COX4I2: variants seen among roughly 807,000 people sequenced by gnomAD.
COX4I2 encodes cytochrome c oxidase subunit 4I2.
A neutral mutation model predicts 20.8 loss-of-function variants in COX4I2; 15 were observed. The observed-to-expected ratio is 0.72, with a 90% CI of 0.48 to 1.11. The LOEUF is 1.11. Among genes scored for constraint, COX4I2 ranks in the 50% most tolerant of loss-of-function variants. COX4I2 has a pLI of 0.00. For synonymous variants in COX4I2, 80 were observed against 78.1 expected (o/e 1.02, Z -0.13); for missense variants, 224 against 223.0 (o/e 1.00, Z -0.03).
intron 3 of COX4I2, among the ~76,000 whole-genome samples, chr20:31,642,985 C>G (rs1042178197): frequency 6.6e-6 from 1 of 152,212 alleles, no homozygotes; most frequent in Non-Finnish European, 1.5e-5. Flanking sequence ...GCCAGCCTCT[C>G]ATTTGCTAAA....
rs2060487451 is a variant in COX4I2, at chr20:31,644,850, T to C, written c.462T>C (p.Pro154=). 7 of 1,614,088 alleles carry C rather than the reference T, an allele frequency of 4.3e-6. No individual in the cohort carries two copies. Among genetic ancestry groups the C allele is most frequent in the Non-Finnish European group, 5.9e-6 (7 of 1,179,980 alleles). The change falls in exon 5 of 5, where the codon CCT becomes CCC. Residue 154 remains proline, a synonymous_variant. Transcript: ENST00000376075. Reference sequence around the variant, plus strand: ...GCATGCTGGACATGAAGGTGAATCCTGTGCAGGGCCTGGCCTCCCGCTGGG... The same window carrying C: ...GCATGCTGGACATGAAGGTGAATCCCGTGCAGGGCCTGGCCTCCCGCTGGG... The part of the protein sequence containing the change: ...LQRMLDMKVN[P]VQGLASRWDY...
At chr20:31,639,573 T>TTTTTTTTTGG (rs2060454899) in intron 2 of COX4I2, among the ~76,000 whole-genome samples, 1 of 150,696 alleles carries the variant, frequency 6.6e-6, no homozygotes, top group Admixed American at 6.6e-5. Flanking sequence ...TTTTTTTTTT[T>TTTTTTTTTGG]GAGATAGAGT....
intron 3 of COX4I2, among the ~76,000 whole-genome samples, chr20:31,642,622 TAGA>T (rs1406303095): frequency 6.6e-6 from 1 of 151,880 alleles, no homozygotes; most frequent in Admixed American, 6.6e-5. Context: ...GTATTTTTAG[TAGA>T]GACGGGGTTT....
chr20:31,641,164 T>G (rs1478437953), intron 3 of COX4I2, among the ~76,000 whole-genome samples: 2 of 151,020 alleles, frequency 1.3e-5, no homozygotes, highest in Non-Finnish European at 2.9e-5. Flanking sequence ...AAACTTAAAG[T>G]ATAATAATAA....
intron 2 of COX4I2, 30 bp from the exon 3 acceptor site, chr20:31,639,902 CT>C (rs776408024): frequency 1.2e-6 from 2 of 1,613,584 alleles, no homozygotes; most frequent in Non-Finnish European, 1.7e-6. Context: ...CAAGGGCAGC[CT>C]GGACTCAGCT....
At chr20:31,639,207 C>A in intron 2 of COX4I2, 108 bp downstream of exon 2, 1 of 1,539,104 alleles carries the variant, frequency 6.5e-7, no homozygotes, top group Non-Finnish European at 8.7e-7. Context: ...CCTGTTCCTA[C>A]CACACTTCCC....
At chr20:31,642,433 T>TC (rs1419958075) in intron 3 of COX4I2, among the ~76,000 whole-genome samples, 9 of 64,968 alleles carry the variant, frequency 1.4e-4, no homozygotes, top group African/African-American at 1.7e-4. Flanking sequence ...GTAGGGTAAT[T>TC]TTTTTTTTTT....
intron 3 of COX4I2, among the ~76,000 whole-genome samples, chr20:31,641,646 T>C (rs1420751143): frequency 1.3e-5 from 2 of 152,122 alleles, no homozygotes; most frequent in Non-Finnish European, 2.9e-5. Context: ...TTAGCTACAA[T>C]GAAGGTTTGG....
intron 1 of COX4I2, among the ~76,000 whole-genome samples, chr20:31,638,788 G>A (rs141688340): frequency 2.0e-5 from 3 of 152,194 alleles, no homozygotes; most frequent in South Asian, 2.1e-4. Flanking sequence ...CTTCTCAGAT[G>A]GTGAATTGAG....
chr20:31,643,807 C>T (rs1000520734), intron 4 of COX4I2, among the ~76,000 whole-genome samples: 1 of 152,072 alleles, frequency 6.6e-6, no homozygotes, highest in Non-Finnish European at 1.5e-5. Context: ...GGCTGTAGGC[C>T]AGTGTTTGGC....
At chr20:31,639,262 A>C in intron 2 of COX4I2, 163 bp downstream of exon 2, 1 of 985,326 alleles carries the variant, frequency 1.0e-6, no homozygotes. Context: ...AAGTTTCTCC[A>C]GGAAATGGAG....
intron 4 of COX4I2, among the ~76,000 whole-genome samples, chr20:31,643,964 C>G (rs1386061679): frequency 6.6e-6 from 1 of 152,162 alleles, no homozygotes; most frequent in Non-Finnish European, 1.5e-5. Context: ...GAGTGTGCCA[C>G]CACGCCCGGC....
At chr20:31,639,460 C>T (rs1245913168) in intron 2 of COX4I2, among the ~76,000 whole-genome samples, 2 of 152,004 alleles carry the variant, frequency 1.3e-5, no homozygotes, top group East Asian at 3.9e-4. Flanking sequence ...GTAGGAGAGA[C>T]TTCAGCCAGA....
At chr20:31,644,689 A>C (rs879024606) in intron 4 of COX4I2, 79 bp from the exon 5 acceptor site, 15 of 1,545,146 alleles carry the variant, frequency 9.7e-6, no homozygotes, top group Non-Finnish European at 1.3e-5. Context: ...AGTGGCTGGG[A>C]GGCTACAGGG....
At chr20:31,642,302 C>G (rs1419266270) in intron 3 of COX4I2, among the ~76,000 whole-genome samples, 1 of 152,186 alleles carries the variant, frequency 6.6e-6, no homozygotes, top group Non-Finnish European at 1.5e-5. Flanking sequence ...ACCGCCCACC[C>G]AAGTATCTTC....
chr20:31,639,313 T>C (rs1010960110), intron 2 of COX4I2: 1 of 984,158 alleles, frequency 1.0e-6, no homozygotes, highest in Non-Finnish European at 1.2e-6. Flanking sequence ...CATTCCAAGC[T>C]TCCTTAGGAG....
In COX4I2 at chr20:31,643,410, G is replaced by C. The variant is rs764600142; in HGVS notation, c.254G>C (p.Arg85Pro). The C allele has an allele frequency of 4.3e-6, 7 of 1,614,082 alleles. No individual in the cohort carries two copies. The highest frequency in any genetic ancestry group is 1.7e-4 in the Middle Eastern group (1 of 6,010). The change falls in exon 4 of 5, where the codon CGG becomes CCG. Residue 85 changes from arginine to proline, a missense_variant. Coordinates refer to ENST00000376075, the MANE Select transcript of COX4I2 (RefSeq NM_032609.3). ...LTHAEKVALY[R>P]LQFNETFAEM... The stretch of plus-strand genomic sequence containing the variant: ...CACACCCAACTGCCTCCAGTGTACC[G>C]GCTCCAGTTCAATGAGACCTTTGCG...
Position 31,640,110 on chromosome 20 carries a change from GTGGGGC to G in COX4I2, c.247+17_247+22del, listed in dbSNP as rs2060459441. On this transcript the variant is annotated intron_variant, in intron 3 of 4. Coordinates refer to ENST00000376075, the MANE Select transcript of COX4I2 (RefSeq NM_032609.3). ...GAAAAGGTGGCCTGTAAGTGTCAGG[GTGGGGC>G]TGGCTGGAGAGAGTGGGTTGGGGGC... The G allele has an allele frequency of 6.2e-7, 1 of 1,600,352 alleles. No individual in the cohort carries two copies. The highest frequency in any genetic ancestry group is 8.5e-7 in the Non-Finnish European group (1 of 1,177,248).
intron 3 of COX4I2, among the ~76,000 whole-genome samples, chr20:31,641,038 G>C (rs1181019720): frequency 6.6e-6 from 1 of 151,418 alleles, no homozygotes; most frequent in East Asian, 1.9e-4. Context: ...GACACTCTTG[G>C]GGGGAGAGGG....
Sources: allele counts gnomAD v4.1 joint callset (sites outside exome capture counted in the v4.1 genomes callset), GRCh38; gene constraint gnomAD v4.1.1; transcripts MANE v1.5; gene names NCBI Gene and HGNC (gene_info 2026-07-23, HGNC 2026-07-21).